The following WDR70 variants were observed in gnomAD, a reference collection of about 807,000 sequenced individuals.
The protein encoded by WDR70 is WD repeat-containing protein 70.
A neutral mutation model predicts 88.6 loss-of-function variants in WDR70; 53 were observed. The observed-to-expected ratio is 0.60, with a 90% CI of 0.48 to 0.75. WDR70 has a LOEUF of 0.75. WDR70 is among the 30% of genes least tolerant of loss of function. The pLI is 0.00. For missense variants in WDR70, 610 were observed against 823.2 expected (o/e 0.74, Z 3.17); for synonymous variants, 280 against 270.0 (o/e 1.04, Z -0.36).
intron 9 of WDR70, among the ~76,000 whole-genome samples, chr5:37,531,211 CA>C (rs1325163270): frequency 6.6e-6 from 1 of 152,120 alleles, no homozygotes; most frequent in Non-Finnish European, 1.5e-5. Context: ...TGTGGCATAT[CA>C]TATGGTCTGT....
At chr5:37,674,911 T>G (rs566152650) in intron 10 of WDR70, among the ~76,000 whole-genome samples, 193 of 151,844 alleles carry the variant, frequency 1.3e-3, no homozygotes, top group African/African-American at 4.2e-3. Context: ...CCTGACTTTT[T>G]AATGATTGCC....
intron 5 of WDR70, among the ~76,000 whole-genome samples, chr5:37,407,196 AAAG>A (rs1240379773): frequency 6.6e-6 from 1 of 152,040 alleles, no homozygotes; most frequent in Non-Finnish European, 1.5e-5. Flanking sequence ...GCCTGAATAT[AAAG>A]AATAGTATAA....
intron 8 of WDR70, among the ~76,000 whole-genome samples, chr5:37,501,407 G>A (rs1179244906): frequency 6.6e-6 from 1 of 151,950 alleles, no homozygotes; most frequent in Non-Finnish European, 1.5e-5. Context: ...TTAATACAGG[G>A]ATGTCCAGTC....
chr5:37,592,339 T>C (rs1743556162), intron 9 of WDR70, among the ~76,000 whole-genome samples: 1 of 152,250 alleles, frequency 6.6e-6, no homozygotes, highest in Non-Finnish European at 1.5e-5. Flanking sequence ...TGGAGAACTA[T>C]AGAGTTTTGG....
intron 10 of WDR70, among the ~76,000 whole-genome samples, chr5:37,658,721 G>A (rs977769601): frequency 5.9e-5 from 9 of 152,114 alleles, no homozygotes; most frequent in African/African-American, 1.9e-4. Flanking sequence ...TGCTCCAACC[G>A]TTAAGAGAAT....
chr5:37,626,771 C>A (rs1401271559), intron 10 of WDR70, among the ~76,000 whole-genome samples: 1 of 152,122 alleles, frequency 6.6e-6, no homozygotes, highest in East Asian at 1.9e-4. Context: ...GTTGAAAGAC[C>A]TTTTACTACT....
intron 9 of WDR70, among the ~76,000 whole-genome samples, chr5:37,593,394 G>A (rs1398446639): frequency 6.6e-6 from 1 of 151,884 alleles, no homozygotes; most frequent in African/African-American, 2.4e-5. Context: ...GTGAGAACAT[G>A]CGGTGTTTGA....
chr5:37,557,957 A>ACTCTTTTGAAAACTCTTCAAAAGGGTAC, intron 9 of WDR70, among the ~76,000 whole-genome samples: 1 of 139,252 alleles, frequency 7.2e-6, no homozygotes, highest in Non-Finnish European at 1.6e-5. Flanking sequence ...TCAAAAGAGT[A>ACTCTTTTGAAAACTCTTCAAAAGGGTAC]TTATGTATAT....
At position 37,734,855 on chromosome 5, in the gene WDR70, A is replaced by G. The variant is rs1203721317; in HGVS notation, c.1877+7810A>G. On this transcript the variant is annotated intron_variant, in intron 17 of 17. Coordinates refer to ENST00000265107, the MANE Select transcript of WDR70 (RefSeq NM_018034.4). ...CTTCGATCTATGAATGGGATGAATT[A>G]TATTACTAGATTTCCTAACACCGAG... 3.3e-5 allele frequency among the ~76,000 whole-genome samples: 5 copies of G among 152,254 alleles called. No homozygotes were observed. In the South Asian group the frequency reaches 1.0e-3, roughly 32 times the overall value.
At chr5:37,714,012 T>C (rs537327081) in intron 13 of WDR70, among the ~76,000 whole-genome samples, 16 of 152,212 alleles carry the variant, frequency 1.1e-4, no homozygotes, top group Non-Finnish European at 2.2e-4. Context: ...TTTTTGGAAA[T>C]GATAGATAGT....
intron 13 of WDR70, among the ~76,000 whole-genome samples, chr5:37,710,306 C>A (rs1034048008): frequency 2.0e-5 from 3 of 152,060 alleles, no homozygotes; most frequent in African/African-American, 7.2e-5. Context: ...AATCAGTATA[C>A]AGAAGAGTAC....
chr5:37,633,931 C>T (rs1359337176), intron 10 of WDR70, among the ~76,000 whole-genome samples: 1 of 151,942 alleles, frequency 6.6e-6, no homozygotes, highest in Non-Finnish European at 1.5e-5. Context: ...TGTGGAGTTC[C>T]CCATTTATAA....
At chr5:37,590,430 C>T (rs1743497251) in intron 9 of WDR70, among the ~76,000 whole-genome samples, 5 of 152,126 alleles carry the variant, frequency 3.3e-5, no homozygotes, top group Admixed American at 3.3e-4. Flanking sequence ...TGAGGTTCAT[C>T]TATGTTGTGT....
At chr5:37,587,221 G>A (rs1393510838) in intron 9 of WDR70, among the ~76,000 whole-genome samples, 3 of 151,986 alleles carry the variant, frequency 2.0e-5, no homozygotes, top group East Asian at 1.9e-4. Context: ...AGAGTATAAA[G>A]CCTGTAATCT....
intron 7 of WDR70, among the ~76,000 whole-genome samples, 155 bp from the exon 8 acceptor site, chr5:37,479,679 G>A (rs564021426): frequency 6.6e-5 from 10 of 152,130 alleles, no homozygotes; most frequent in Non-Finnish European, 1.3e-4. Context: ...CCGCTAGTGG[G>A]TATTTAGAAC....
intron 5 of WDR70, among the ~76,000 whole-genome samples, chr5:37,408,767 T>C (rs28492848): frequency 0.013 from 2,049 of 152,216 alleles, 43 homozygotes; most frequent in African/African-American, 0.046. Flanking sequence ...TAATATTGTG[T>C]GTGTGTGTAT....
intron 9 of WDR70, among the ~76,000 whole-genome samples, chr5:37,568,879 T>C (rs560615153): frequency 6.6e-6 from 1 of 152,236 alleles, no homozygotes; most frequent in East Asian, 1.9e-4. Flanking sequence ...GTGGCAGAAG[T>C]GATGGTATGT....
At chr5:37,380,678 C>T (rs919649917) in intron 2 of WDR70, among the ~76,000 whole-genome samples, 29 of 152,064 alleles carry the variant, frequency 1.9e-4, no homozygotes, top group African/African-American at 6.0e-4. Context: ...GATGGAGTCT[C>T]GCTCTGTCAC....
intron 5 of WDR70, among the ~76,000 whole-genome samples, chr5:37,409,940 A>G (rs952585602): frequency 3.9e-5 from 6 of 152,220 alleles, no homozygotes; most frequent in South Asian, 2.1e-4. Context: ...AGACATGTCA[A>G]ATCTTTCATC....
Sources: gnomAD v4.1 joint callset for allele counts (sites outside exome capture counted in the v4.1 genomes callset) on GRCh38, gnomAD v4.1.1 for gene constraint, MANE v1.5 for transcripts, NCBI Gene and HGNC (gene_info 2026-07-23, HGNC 2026-07-21) for gene names.